Variants in CTNNA3 observed in about 807,000 individuals in gnomAD.
CTNNA3 encodes catenin alpha 3.
A neutral mutation model predicts 95.7 loss-of-function variants in CTNNA3; 76 were observed. The observed-to-expected ratio is 0.79, with a 90% CI of 0.66 to 0.96. The LOEUF is 0.96. Among genes scored for constraint, CTNNA3 ranks in the 40% least tolerant of loss-of-function variants. The probability of loss-of-function intolerance (pLI) is 0.00; values close to 1 mark genes in which losing one functional copy is unlikely to be tolerated. For synonymous variants in CTNNA3, 431 were observed against 374.4 expected (o/e 1.15, Z -1.74); for missense variants, 1,191 against 1,089.8 (o/e 1.09, Z -1.31).
intron 7 of CTNNA3, among the ~76,000 whole-genome samples, chr10:67,142,974 G>A (rs1210792255): frequency 2.6e-5 from 4 of 152,074 alleles, no homozygotes; most frequent in Admixed American, 6.5e-5. Context: ...AAAATCATCT[G>A]AGCCTTTAGT....
At chr10:66,213,176 T>A (rs1430459632) in intron 13 of CTNNA3, among the ~76,000 whole-genome samples, 1 of 152,172 alleles carries the variant, frequency 6.6e-6, no homozygotes, top group Non-Finnish European at 1.5e-5. Flanking sequence ...TATTTTCTTT[T>A]TACTGAATTT....
intron 10 of CTNNA3, among the ~76,000 whole-genome samples, chr10:66,543,323 C>G (rs769696279): frequency 6.6e-6 from 1 of 152,078 alleles, no homozygotes; most frequent in Non-Finnish European, 1.5e-5. Context: ...AACTCCTGAC[C>G]TCGTGATCCA....
intron 1 of CTNNA3, among the ~76,000 whole-genome samples, chr10:67,752,945 G>A (rs59353935): frequency 0.012 from 1,843 of 151,894 alleles, 40 homozygotes; most frequent in African/African-American, 0.041. Flanking sequence ...TACCATTGCC[G>A]TTTTTCAAAA....
intron 17 of CTNNA3, among the ~76,000 whole-genome samples, chr10:65,925,038 G>C (rs891217675): frequency 2.6e-5 from 4 of 152,146 alleles, no homozygotes; most frequent in Non-Finnish European, 5.9e-5. Flanking sequence ...AATTCAAGAT[G>C]AGTTTTGGGT....
At chr10:66,415,265 T>C (rs2394210) in intron 11 of CTNNA3, among the ~76,000 whole-genome samples, 56,776 of 151,668 alleles carry the variant, frequency 0.37, 11,576 homozygotes, top group African/African-American at 0.54. Context: ...ATCTCCCAGT[T>C]TAGTTCACCA....
intron 5 of CTNNA3, among the ~76,000 whole-genome samples, chr10:67,277,588 T>A (rs562044243): frequency 6.6e-6 from 1 of 152,206 alleles, no homozygotes; most frequent in Admixed American, 6.6e-5. Context: ...AGATTAGGCA[T>A]TCCTAGTCAC....
intron 7 of CTNNA3, among the ~76,000 whole-genome samples, chr10:67,047,213 C>G (rs1486862559): frequency 1.3e-5 from 2 of 152,016 alleles, no homozygotes; most frequent in African/African-American, 2.4e-5. Flanking sequence ...TTTTCTGGAG[C>G]CTTATGGGAG....
chr10:66,090,225 T>C (rs1465552481), intron 14 of CTNNA3, among the ~76,000 whole-genome samples: 5 of 152,046 alleles, frequency 3.3e-5, no homozygotes, highest in East Asian at 3.9e-4. Context: ...ACTTTGTACA[T>C]AGGAGGAAAT....
At chr10:65,962,707 GC>G (rs1554821999) in intron 17 of CTNNA3, among the ~76,000 whole-genome samples, 1 of 103,060 alleles carries the variant, frequency 9.7e-6, no homozygotes, top group African/African-American at 3.9e-5. Context: ...CCCTCCCCTA[GC>G]CCCCCACCCC....
chr10:66,604,302 A>G (rs546036220), intron 10 of CTNNA3, among the ~76,000 whole-genome samples: 1 of 152,322 alleles, frequency 6.6e-6, no homozygotes, highest in Admixed American at 6.5e-5. Context: ...CCCCATGCTA[A>G]CACCACCACC....
chr10:67,299,849 C>T (rs1325196762), intron 5 of CTNNA3, among the ~76,000 whole-genome samples: 1 of 152,192 alleles, frequency 6.6e-6, no homozygotes, highest in African/African-American at 2.4e-5. Context: ...CATCTGAAAA[C>T]ACTAAGTTAA....
At chr10:67,626,655 G>A (rs1190916485) in intron 2 of CTNNA3, among the ~76,000 whole-genome samples, 1 of 152,044 alleles carries the variant, frequency 6.6e-6, no homozygotes, top group Non-Finnish European at 1.5e-5. Flanking sequence ...TTTCCTCATG[G>A]AGACTCAAAA....
intron 7 of CTNNA3, among the ~76,000 whole-genome samples, chr10:66,969,476 C>A (rs1206738312): frequency 6.6e-6 from 1 of 152,068 alleles, no homozygotes; most frequent in African/African-American, 2.4e-5. Flanking sequence ...GCAGCTTTAT[C>A]CATAAAACTT....
intron 10 of CTNNA3, among the ~76,000 whole-genome samples, chr10:66,615,152 A>T (rs1176533620): frequency 1.3e-5 from 2 of 152,004 alleles, no homozygotes; most frequent in African/African-American, 4.8e-5. Context: ...GAAATTCTTG[A>T]TGTGGACATT....
chr10:67,401,603 CA>C (rs1844926249), intron 5 of CTNNA3, among the ~76,000 whole-genome samples: 1 of 152,032 alleles, frequency 6.6e-6, no homozygotes, highest in Non-Finnish European at 1.5e-5. Flanking sequence ...CCCGTGGCCC[CA>C]AAGACCTAAT....
At chr10:67,228,923 A>G (rs766929023) in intron 5 of CTNNA3, among the ~76,000 whole-genome samples, 2 of 152,170 alleles carry the variant, frequency 1.3e-5, no homozygotes, top group Non-Finnish European at 2.9e-5. Flanking sequence ...TTTTGACACT[A>G]TTCCACAAGA....
intron 14 of CTNNA3, among the ~76,000 whole-genome samples, chr10:66,102,253 T>C (rs2081665306): frequency 6.6e-6 from 1 of 152,168 alleles, no homozygotes; most frequent in South Asian, 2.1e-4. Flanking sequence ...ATGATAATCC[T>C]ACTATTGTTG....
At chr10:66,991,368 A>T (rs914742165) in intron 7 of CTNNA3, among the ~76,000 whole-genome samples, 10 of 152,180 alleles carry the variant, frequency 6.6e-5, no homozygotes, top group Admixed American at 3.3e-4. Context: ...TTAAAATTAA[A>T]GGATATTTTA....
Position 67,180,530 on chromosome 10 carries a change from G to A in CTNNA3, c.844-10C>T, listed in dbSNP as rs754623972. The stretch of plus-strand genomic sequence containing the variant: ...TCAGGACAATTAAATTCTAAGAGAA[G>A]AACACATTTGTATGGTTAGAGCTCC... On this transcript the variant is annotated splice_polypyrimidine_tract_variant and intron_variant, in intron 6 of 17. Transcript: ENST00000433211. 16 of 1,601,874 alleles carry A rather than the reference G, an allele frequency of 1.0e-5. No homozygotes were observed. In the African/African-American group the frequency reaches 2.0e-4, roughly 20 times the overall value.
Sources: allele counts gnomAD v4.1 joint callset (sites outside exome capture counted in the v4.1 genomes callset), GRCh38; gene constraint gnomAD v4.1.1; transcripts MANE v1.5; gene names NCBI Gene and HGNC (gene_info 2026-07-23, HGNC 2026-07-21).